Variants in RAVER2 observed in about 807,000 individuals in gnomAD.
RAVER2 encodes the protein ribonucleoprotein PTB-binding 2.
Under a neutral mutation model 78.1 loss-of-function variants are expected in RAVER2, and 46 were observed. That is an observed-to-expected ratio of 0.59 (90% CI 0.46 to 0.75). RAVER2 has a LOEUF of 0.75. RAVER2 is among the 30% of genes least tolerant of loss of function. The pLI, the probability that RAVER2 is intolerant of heterozygous loss-of-function variation, is 0.00. For synonymous variants in RAVER2, 311 were observed against 313.3 expected, an observed-to-expected ratio of 0.99 and a Z score of 0.08; for missense variants, 793 against 837.5, an observed-to-expected ratio of 0.95 and a Z score of 0.66.
At chr1:64,830,770 T>G in intron 11 of RAVER2, 69 bp from the exon 12 acceptor site, 2 of 1,382,420 alleles carry the variant, frequency 1.4e-6, no homozygotes, top group South Asian at 2.8e-5. Context: ...AATGCTTTTC[T>G]TATAAATATC....
At chr1:64,787,360 A>G (rs976798000) in intron 4 of RAVER2, among the ~76,000 whole-genome samples, 11 of 152,234 alleles carry the variant, frequency 7.2e-5, no homozygotes, top group Non-Finnish European at 1.3e-4. Flanking sequence ...GGCAGAGGGA[A>G]GCTAAAGCCT....
intron 2 of RAVER2, among the ~76,000 whole-genome samples, chr1:64,774,815 A>G (rs972978199): frequency 6.6e-6 from 1 of 152,162 alleles, no homozygotes; most frequent in African/African-American, 2.4e-5. Context: ...TGAGCATGGA[A>G]TGTTTTTCCA....
intron 2 of RAVER2, among the ~76,000 whole-genome samples, chr1:64,771,251 G>A (rs923363732): frequency 5.3e-5 from 8 of 152,030 alleles, no homozygotes; most frequent in Admixed American, 2.0e-4. Flanking sequence ...AGACTGTAGG[G>A]TAACATCTTT....
intron 10 of RAVER2, among the ~76,000 whole-genome samples, chr1:64,814,061 C>T (rs1028896664): frequency 5.3e-5 from 8 of 149,764 alleles, no homozygotes; most frequent in African/African-American, 1.7e-4. Context: ...GTAGGTGGGA[C>T]TACAGGCATG....
At chr1:64,784,264 C>A (rs923044339) in intron 4 of RAVER2, among the ~76,000 whole-genome samples, 1 of 152,124 alleles carries the variant, frequency 6.6e-6, no homozygotes, top group Non-Finnish European at 1.5e-5. Context: ...TTAGTCTCAG[C>A]TACTTGGGGG....
intron 1 of RAVER2, among the ~76,000 whole-genome samples, chr1:64,755,661 C>T (rs1319265011): frequency 6.6e-6 from 1 of 150,460 alleles, no homozygotes; most frequent in Non-Finnish European, 1.5e-5. Context: ...TATTACCCTA[C>T]CAGTTTAACT....
At chr1:64,763,956 C>CA (rs1570534772) in intron 1 of RAVER2, among the ~76,000 whole-genome samples, 1 of 105,268 alleles carries the variant, frequency 9.5e-6, no homozygotes, top group East Asian at 3.8e-4. Context: ...ACACACACAC[C>CA]CCTACCATGT....
intron 2 of RAVER2, among the ~76,000 whole-genome samples, chr1:64,772,622 G>A (rs1286028314): frequency 6.6e-6 from 1 of 152,176 alleles, no homozygotes; most frequent in Non-Finnish European, 1.5e-5. Context: ...GAAGCTTCCT[G>A]GAGATCATGA....
rs751669638 is a variant in RAVER2, at chr1:64,796,208, T to C, written c.1105+6694T>C. ...TTTAATAAAATTTAGTTTGAAATTTTTGCATCTATGTTTATGAGGTATATT... is the reference window on the plus strand; with the variant it reads ...TTTAATAAAATTTAGTTTGAAATTTCTGCATCTATGTTTATGAGGTATATT... On this transcript the variant is annotated intron_variant, in intron 5 of 11. Transcript: ENST00000294428. 3.4e-4 allele frequency among the ~76,000 whole-genome samples: 51 copies of C among 152,168 alleles called. 1 individual carries two copies. Among genetic ancestry groups the C allele is most frequent in the Admixed American group, 2.6e-4 (4 of 15,304 alleles).
chr1:64,755,935 T>C (rs1651845858), intron 1 of RAVER2, among the ~76,000 whole-genome samples: 1 of 152,074 alleles, frequency 6.6e-6, no homozygotes, highest in African/African-American at 2.4e-5. Context: ...TACTTTATTA[T>C]GTATGTCCTA....
chr1:64,758,996 A>G (rs986266688), intron 1 of RAVER2, among the ~76,000 whole-genome samples: 76 of 151,696 alleles, frequency 5.0e-4, no homozygotes, highest in African/African-American at 1.5e-3. Context: ...ATCTAAATCT[A>G]TCTCTTGAAG....
chr1:64,811,694 C>G (rs1015573516), intron 9 of RAVER2, among the ~76,000 whole-genome samples: 1 of 152,138 alleles, frequency 6.6e-6, no homozygotes, highest in African/African-American at 2.4e-5. Flanking sequence ...ATACATGTAA[C>G]ATACAACATA....
chr1:64,788,220 C>T (rs1222206375), intron 4 of RAVER2, among the ~76,000 whole-genome samples: 1 of 152,148 alleles, frequency 6.6e-6, no homozygotes, highest in African/African-American at 2.4e-5. Context: ...TGCCTGTAAT[C>T]CCAGTACTTT....
intron 9 of RAVER2, among the ~76,000 whole-genome samples, chr1:64,809,364 A>AT (rs1266047810): frequency 6.6e-6 from 1 of 152,110 alleles, no homozygotes; most frequent in Admixed American, 6.6e-5. Context: ...TAATTGTGAG[A>AT]TTTTAGACTT....
At chr1:64,787,657 T>C (rs1454424910) in intron 4 of RAVER2, among the ~76,000 whole-genome samples, 3 of 152,176 alleles carry the variant, frequency 2.0e-5, no homozygotes, top group Non-Finnish European at 2.9e-5. Context: ...CTTGTCCCCA[T>C]TGTCTCTGCA....
intron 10 of RAVER2, among the ~76,000 whole-genome samples, chr1:64,813,430 A>ATATGTCATATACATAT (rs1653674955): frequency 6.6e-6 from 1 of 152,190 alleles, no homozygotes; most frequent in African/African-American, 2.4e-5. Context: ...TACTGATATG[A>ATATGTCATATACATAT]GATGAACTCT....
chr1:64,779,688 T>C (rs1425079382), intron 3 of RAVER2, among the ~76,000 whole-genome samples: 2 of 152,032 alleles, frequency 1.3e-5, no homozygotes, highest in Non-Finnish European at 2.9e-5. Context: ...CTAAGAATTA[T>C]ATTATGTTGT....
intron 5 of RAVER2, among the ~76,000 whole-genome samples, chr1:64,794,694 G>A (rs1255322966): frequency 6.6e-6 from 1 of 151,974 alleles, no homozygotes; most frequent in Non-Finnish European, 1.5e-5. Context: ...TAAAAACTGA[G>A]TTGTTTGTCT....
chr1:64,764,045 A>G (rs951932478), intron 1 of RAVER2, among the ~76,000 whole-genome samples: 6 of 152,134 alleles, frequency 3.9e-5, no homozygotes, highest in African/African-American at 1.4e-4. Context: ...CCCAAACTAG[A>G]AACAGTTCAA....
Sources: gnomAD v4.1 joint callset for allele counts (sites outside exome capture counted in the v4.1 genomes callset) on GRCh38, gnomAD v4.1.1 for gene constraint, MANE v1.5 for transcripts, NCBI Gene and HGNC (gene_info 2026-07-23, HGNC 2026-07-21) for gene names.